MROH1: variants seen among roughly 807,000 people sequenced by gnomAD.
MROH1 encodes maestro heat like repeat family member 1.
A neutral mutation model predicts 116.5 loss-of-function variants in MROH1; 117 were observed. The ratio of observed to expected loss-of-function variants is 1.00; its 90% CI spans 0.86 to 1.17. The LOEUF is 1.17. Among genes scored for constraint, MROH1 ranks in the 50% most tolerant of loss-of-function variants. The pLI, the probability that MROH1 is intolerant of heterozygous loss-of-function variation, is 0.00. For synonymous variants in MROH1, 921 were observed against 583.9 expected (o/e 1.58, Z -8.32); for missense variants, 1,873 against 1,338.5 (o/e 1.40, Z -6.23).
At chr8:144,255,295 T>G (rs1272111448) in intron 34 of MROH1, among the ~76,000 whole-genome samples, 6 of 152,356 alleles carry the variant, frequency 3.9e-5, no homozygotes, top group Non-Finnish European at 7.4e-5. Context: ...GTCTGTCCTG[T>G]GAAGGCTGAC....
chr8:144,150,463 G>C (rs894027409), intron 1 of MROH1, among the ~76,000 whole-genome samples: 1 of 152,218 alleles, frequency 6.6e-6, no homozygotes, highest in Non-Finnish European at 1.5e-5. Context: ...ATGTGGAAAA[G>C]TGGATGTTTA....
intron 37 of MROH1, 74 bp downstream of exon 37, chr8:144,259,428 T>C: frequency 1.4e-6 from 1 of 704,712 alleles, no homozygotes; most frequent in Non-Finnish European, 2.6e-6. Flanking sequence ...GATGCCCTTT[T>C]CTTACCCCTA....
intron 10 of MROH1, among the ~76,000 whole-genome samples, chr8:144,197,078 G>C (rs1273372822): frequency 6.6e-6 from 1 of 152,166 alleles, no homozygotes; most frequent in Non-Finnish European, 1.5e-5. Flanking sequence ...CTGGGAAACA[G>C]AGCAAGACTC....
intron 29 of MROH1, 91 bp downstream of exon 29, chr8:144,245,351 G>A (rs1456718914): frequency 3.9e-5 from 29 of 736,042 alleles, no homozygotes; most frequent in African/African-American, 2.4e-4. Flanking sequence ...TCTGGCCGCC[G>A]CCCCAGCTCA....
chr8:144,212,383 C>T (rs1445091628), intron 12 of MROH1, among the ~76,000 whole-genome samples: 2 of 151,972 alleles, frequency 1.3e-5, no homozygotes, highest in African/African-American at 4.8e-5. Context: ...CTGCACCTAG[C>T]CAAGAAGTTA....
In MROH1 at chr8:144,163,772, T is replaced by A; in HGVS notation, c.-55T>A. 6.2e-7 allele frequency: 1 copy of A among 1,603,608 alleles called. No individual in the cohort carries two copies. ...ATCTTGTGATTTTGGTTATTCCAGA[T>A]GGGAGAAGAAGTTGTCCATGTTCAC... On this transcript the variant is annotated splice_region_variant and 5_prime_UTR_variant, in exon 3 of 44. It removes an upstream start codon present in the reference 5' UTR. Coordinates refer to ENST00000326134, the MANE Select transcript of MROH1 (RefSeq NM_032450.3). The surrounding 1 kb of genome is among the most constrained non-coding windows in gnomAD (Gnocchi z 4.4).
At chr8:144,247,172 G>A (rs1219609604) in intron 29 of MROH1, 129 bp from the exon 30 acceptor site, 2 of 672,372 alleles carry the variant, frequency 3.0e-6, no homozygotes, top group African/African-American at 3.5e-5. Flanking sequence ...TGGCCACACT[G>A]AGGGCCCAGG....
At chr8:144,150,397 C>T (rs949431229) in intron 1 of MROH1, among the ~76,000 whole-genome samples, 3 of 152,080 alleles carry the variant, frequency 2.0e-5, no homozygotes, top group Admixed American at 6.5e-5. Flanking sequence ...GTGTTTTTTT[C>T]TGACATCCCC....
At chr8:144,241,315 C>G in intron 21 of MROH1, 80 bp from the exon 22 acceptor site, 1 of 712,104 alleles carries the variant, frequency 1.4e-6, no homozygotes, top group Non-Finnish European at 2.6e-6. Context: ...TGGGTGTGCC[C>G]GTGTCCACAC....
chr8:144,200,300 A>G (rs6558319), intron 11 of MROH1, 128 bp from the exon 12 acceptor site: 697,690 of 700,256 alleles, frequency 1, 347,601 homozygotes, highest in East Asian at 1. Flanking sequence ...CGATTAGGTG[A>G]CCCCAGCTTC....
At chr8:144,223,441 T>A (rs543250924) in intron 14 of MROH1, among the ~76,000 whole-genome samples, 1 of 152,122 alleles carries the variant, frequency 6.6e-6, no homozygotes, top group African/African-American at 2.4e-5. Flanking sequence ...TCAGGTGTGA[T>A]CATAGCACAC....
chr8:144,247,088 G>T lies in MROH1; in HGVS notation c.2872-213G>T, dbSNP rs1000333440. Among the ~76,000 whole-genome samples, 5 of 151,144 alleles carry T rather than the reference G, an allele frequency of 3.3e-5. No individual in the cohort carries two copies. The South Asian group carries it at 8.3e-4, about 25-fold the overall frequency. On this transcript the variant is annotated intron_variant, in intron 29 of 43. Transcript: ENST00000326134. ...CCTGTGTGGCCCTGGTGTAGACGAG[G>T]TGTGGTCAGAGCTGAGCTGAGCAGC...
At position 144,194,262 on chromosome 8, in the gene MROH1, C is replaced by T. The variant is rs1292404912; in HGVS notation, c.948+1861C>T. Among the ~76,000 whole-genome samples, 7 of 152,000 alleles carry T rather than the reference C, an allele frequency of 4.6e-5. No individual in the cohort carries two copies. In the East Asian group the frequency reaches 1.4e-3, roughly 29 times the overall value. On this transcript the variant is annotated intron_variant, in intron 10 of 43. Coordinates refer to ENST00000326134, the MANE Select transcript of MROH1 (RefSeq NM_032450.3). ...ATTTTTAATAGAGATGGGGTTTCAC[C>T]ATGTTGGCCAGGCTGGTCACGAACT...
intron 31 of MROH1, 105 bp from the exon 32 acceptor site, chr8:144,248,772 G>T: frequency 1.4e-6 from 1 of 713,160 alleles, no homozygotes; most frequent in Non-Finnish European, 2.6e-6. Flanking sequence ...GCAAGAAGGG[G>T]TGTGGCTTCC....
chr8:144,204,528 AACC>A (rs1248182820), intron 12 of MROH1, among the ~76,000 whole-genome samples: 4 of 152,216 alleles, frequency 2.6e-5, no homozygotes, highest in Non-Finnish European at 5.9e-5. Flanking sequence ...TTTATTCACC[AACC>A]AGGTGAAGAA....
In MROH1 at chr8:144,164,690, G is replaced by A. The variant is rs376149381; in HGVS notation, c.22+842G>A. Among the ~76,000 whole-genome samples the A allele has an allele frequency of 1.4e-4, 21 of 151,480 alleles. No individual in the cohort carries two copies. In the East Asian group the frequency reaches 3.0e-3, roughly 21 times the overall value. ...TGGGATTATAGGCATGAGCCACTGC[G>A]CCCGGCCTGGACTGACTGTTGAATG... is the stretch of plus-strand genomic sequence containing the variant. On this transcript the variant is annotated intron_variant, in intron 3 of 43. Coordinates refer to ENST00000326134, the MANE Select transcript of MROH1 (RefSeq NM_032450.3).
rs1263266851 is a variant in MROH1 at position 144,258,811 on chromosome 8, C to T, written c.3826C>T (p.Arg1276Cys). Residue 1276 changes from arginine to cysteine, a missense_variant, in exon 36 of 44, where the codon CGC becomes TGC. Physicochemically the swap from Arg to Cys is radical, Grantham distance 180. Coordinates refer to ENST00000326134, the MANE Select transcript of MROH1 (RefSeq NM_032450.3). ...AVDTLRSMLL[R>C]SGSEDVVQRM... ...GGACACCCTGCGGTCCATGCTACTC[C>T]GCAGCGGCAGCGAGGATGTGGTACA... 29 of 769,406 alleles carry T rather than the reference C, an allele frequency of 3.8e-5. No individual in the cohort carries two copies. Among genetic ancestry groups the T allele is most frequent in the African/African-American group, 6.8e-5 (4 of 59,046 alleles). 47.7% of individuals were successfully genotyped at this position (769,406 alleles called of 1,614,324 possible).
chr8:144,165,408 C>T (rs574918276), intron 3 of MROH1, among the ~76,000 whole-genome samples: 10 of 151,952 alleles, frequency 6.6e-5, no homozygotes, highest in East Asian at 5.8e-4. Context: ...CGTGAGCCAC[C>T]GCGCACAGCC....
chr8:144,168,411 T>G lies in MROH1; in HGVS notation c.139T>G (p.Cys47Gly). 6.2e-7 allele frequency: 1 copy of G among 1,610,746 alleles called. No individual in the cohort carries two copies. Among genetic ancestry groups the G allele is most frequent in the Non-Finnish European group, 8.5e-7 (1 of 1,179,044 alleles). The change falls in exon 4 of 44, where the codon TGC (cysteine) becomes GGC (glycine). Residue 47 changes from cysteine to glycine, a missense_variant. Physicochemically the swap from Cys to Gly is radical, Grantham distance 159. Coordinates refer to ENST00000326134, the MANE Select transcript of MROH1 (RefSeq NM_032450.3). Reference protein sequence around the residue: ...EARPVETLRACEEYLRQHDKL... With the variant: ...EARPVETLRAGEEYLRQHDKL... ...GCGGCCGGTGGAGACGCTCCGTGCC[T>G]GCGAGGAGTATCTGCGGCAGCATGA...
Sources: allele counts gnomAD v4.1 joint callset (sites outside exome capture counted in the v4.1 genomes callset), GRCh38; gene constraint gnomAD v4.1.1; non-coding constraint Gnocchi (gnomAD v3.1); transcripts MANE v1.5; gene names NCBI Gene and HGNC (gene_info 2026-07-23, HGNC 2026-07-21).